The following ROBO2 variants were observed in gnomAD, a reference collection of about 807,000 sequenced individuals.
ROBO2 encodes the protein roundabout guidance receptor 2.
Under a neutral mutation model 160.8 loss-of-function variants are expected in ROBO2, and 53 were observed. The observed-to-expected ratio is 0.33, with a 90% CI of 0.26 to 0.41. The LOEUF (loss-of-function observed/expected upper bound fraction) is 0.41. ROBO2 is among the 10% of genes least tolerant of loss of function. ROBO2 has a pLI of 1.00. For missense variants in ROBO2, 1,577 were observed against 1,722.4 expected (o/e 0.92, Z 1.49); for synonymous variants, 664 against 611.7 (o/e 1.09, Z -1.26).
intron 2 of ROBO2, among the ~76,000 whole-genome samples, chr3:76,484,632 T>C (rs2079391644): frequency 6.6e-6 from 1 of 152,192 alleles, no homozygotes; most frequent in Admixed American, 6.6e-5. Flanking sequence ...ACCTCCTTTG[T>C]AATAGCTGCA....
intron 2 of ROBO2, among the ~76,000 whole-genome samples, chr3:76,571,819 C>T (rs1055475982): frequency 1.3e-5 from 2 of 152,004 alleles, no homozygotes; most frequent in Non-Finnish European, 1.5e-5. Context: ...AACCATCTTC[C>T]GTATTGCACT....
intron 2 of ROBO2, among the ~76,000 whole-genome samples, chr3:77,325,409 A>G (rs1347815071): frequency 4.6e-5 from 7 of 152,176 alleles, no homozygotes; most frequent in Non-Finnish European, 8.8e-5. Flanking sequence ...GCAACTGGGG[A>G]TTTGACAACT....
At position 76,926,632 on chromosome 3, in the gene ROBO2, A is replaced by G. The variant is rs528426319; in HGVS notation, c.110-171382A>G. 5.9e-5 allele frequency among the ~76,000 whole-genome samples: 9 copies of G among 152,350 alleles called. No individual in the cohort carries two copies. The East Asian group carries it at 7.7e-4, about 13-fold the overall frequency. Reference sequence around the variant, plus strand: ...TACCAGATTTACTGACTGATTGACAACACTAGGTAGTAAGTAGGGAGAGAG... The same window carrying G: ...TACCAGATTTACTGACTGATTGACAGCACTAGGTAGTAAGTAGGGAGAGAG... On this transcript the variant is annotated intron_variant, in intron 2 of 26. Coordinates refer to the ROBO2 transcript ENST00000487694.
intron 2 of ROBO2, among the ~76,000 whole-genome samples, chr3:76,609,486 A>G (rs1349052027): frequency 1.3e-5 from 2 of 151,960 alleles, no homozygotes; most frequent in Non-Finnish European, 2.9e-5. Context: ...CCATTATTAT[A>G]AATGGAATTG....
chr3:76,894,559 T>A (rs2074616541), intron 2 of ROBO2, among the ~76,000 whole-genome samples: 1 of 152,146 alleles, frequency 6.6e-6, no homozygotes, highest in Non-Finnish European at 1.5e-5. Context: ...GTTTTGCTTG[T>A]CATTGGTAGT....
At chr3:76,411,206 C>T (rs567022769) in intron 2 of ROBO2, among the ~76,000 whole-genome samples, 167 of 152,176 alleles carry the variant, frequency 1.1e-3, no homozygotes, top group South Asian at 4.4e-3. Flanking sequence ...AATGACCAGA[C>T]AGAACCTTGA....
intron 2 of ROBO2, among the ~76,000 whole-genome samples, chr3:76,041,980 G>A (rs1293979414): frequency 7.0e-6 from 1 of 143,670 alleles, no homozygotes; most frequent in Non-Finnish European, 1.5e-5. Flanking sequence ...GTGTGACAGA[G>A]AGTGAGAGAG....
intron 2 of ROBO2, among the ~76,000 whole-genome samples, chr3:76,090,447 A>C (rs1034323660): frequency 2.0e-5 from 3 of 152,246 alleles, no homozygotes; most frequent in South Asian, 2.1e-4. Context: ...AAACAAAAAC[A>C]AAAAGCTAAA....
intron 24 of ROBO2, among the ~76,000 whole-genome samples, chr3:77,639,368 A>G (rs1318664110): frequency 6.6e-6 from 1 of 152,208 alleles, no homozygotes; most frequent in Non-Finnish European, 1.5e-5. Flanking sequence ...ACATGAACAT[A>G]TAAGTAAGAT....
intron 2 of ROBO2, among the ~76,000 whole-genome samples, chr3:76,616,006 G>A (rs900036053): frequency 6.6e-6 from 1 of 152,158 alleles, no homozygotes; most frequent in African/African-American, 2.4e-5. Context: ...ATTGCAATTT[G>A]AAGTTGAGAA....
At chr3:77,437,978 A>G (rs2079481195) in intron 2 of ROBO2, among the ~76,000 whole-genome samples, 1 of 152,028 alleles carries the variant, frequency 6.6e-6, no homozygotes, top group African/African-American at 2.4e-5. Context: ...CCTTAAAGCA[A>G]TTTAAAACAT....
At chr3:77,007,392 T>C (rs879258501) in intron 2 of ROBO2, among the ~76,000 whole-genome samples, 2 of 152,118 alleles carry the variant, frequency 1.3e-5, no homozygotes, top group Non-Finnish European at 2.9e-5. Flanking sequence ...ACTAAAAATA[T>C]GAACATCCAT....
intron 2 of ROBO2, among the ~76,000 whole-genome samples, chr3:76,208,277 C>T (rs1702928900): frequency 6.6e-6 from 1 of 152,154 alleles, no homozygotes; most frequent in African/African-American, 2.4e-5. Context: ...AATGAAGTTC[C>T]TGGAGGAATG....
chr3:76,652,567 G>T (rs1290445009), intron 2 of ROBO2, among the ~76,000 whole-genome samples: 1 of 152,094 alleles, frequency 6.6e-6, no homozygotes, highest in Non-Finnish European at 1.5e-5. Context: ...ACGTACAAAA[G>T]AATATCTTTC....
At chr3:75,934,498 T>A (rs4009820) in intron 1 of ROBO2, among the ~76,000 whole-genome samples, 1 of 152,162 alleles carries the variant, frequency 6.6e-6, no homozygotes, top group African/African-American at 2.4e-5. Flanking sequence ...TCATGGAAAA[T>A]TTTTTTTAAA....
chr3:76,679,058 G>A (rs1309021367), intron 2 of ROBO2, among the ~76,000 whole-genome samples: 2 of 152,122 alleles, frequency 1.3e-5, no homozygotes, highest in Admixed American at 1.3e-4. Flanking sequence ...GACAAGTATG[G>A]CAATGGCCAC....
intron 2 of ROBO2, among the ~76,000 whole-genome samples, chr3:76,588,656 A>G (rs1420658817): frequency 6.6e-6 from 1 of 152,226 alleles, no homozygotes; most frequent in Non-Finnish European, 1.5e-5. Context: ...GAGGCATTCA[A>G]TGTGATAGAT....
At chr3:77,416,240 G>C (rs2077212472) in intron 2 of ROBO2, among the ~76,000 whole-genome samples, 1 of 152,212 alleles carries the variant, frequency 6.6e-6, no homozygotes, top group Non-Finnish European at 1.5e-5. Context: ...CAGAATGAGA[G>C]AGTGCATGCT....
At chr3:77,020,527 T>C (rs1032577358) in intron 2 of ROBO2, among the ~76,000 whole-genome samples, 6 of 152,200 alleles carry the variant, frequency 3.9e-5, no homozygotes, top group Non-Finnish European at 7.3e-5. Context: ...AAAATGTTCA[T>C]GCCAGTATTG....
Sources: allele counts gnomAD v4.1 joint callset (sites outside exome capture counted in the v4.1 genomes callset), GRCh38; gene constraint gnomAD v4.1.1; transcripts MANE v1.5; gene names NCBI Gene and HGNC (gene_info 2026-07-23, HGNC 2026-07-21).